Variants in KALRN observed in about 807,000 individuals in gnomAD.
KALRN encodes the protein kalirin RhoGEF kinase.
In KALRN, 70 loss-of-function variants were observed where a neutral mutation model predicts 353.7. The observed-to-expected ratio is 0.20, with a 90% CI of 0.16 to 0.24. The LOEUF is 0.24. Among genes scored for constraint, KALRN ranks in the 10% least tolerant of loss-of-function variants. KALRN has a pLI of 1.00. For missense variants in KALRN, 2,791 were observed against 3,756.7 expected (o/e 0.74, Z 6.72); for synonymous variants, 1,391 against 1,434.8 (o/e 0.97, Z 0.69).
chr3:124,619,978 GT>G (rs879624412), intron 34 of KALRN, among the ~76,000 whole-genome samples: 293 of 142,646 alleles, frequency 2.1e-3, no homozygotes, highest in Middle Eastern at 3.5e-3. Context: ...AACCATTTTG[GT>G]TTTTTTTTTT....
intron 33 of KALRN, among the ~76,000 whole-genome samples, chr3:124,559,799 G>A (rs1005724747): frequency 2.0e-5 from 3 of 152,168 alleles, no homozygotes; most frequent in Admixed American, 6.5e-5. Context: ...TTTGGAATTC[G>A]CTTCTTGCCA....
chr3:124,553,194 G>T lies in KALRN; in HGVS notation c.4936-9649G>T, dbSNP rs551315204. ...TATTAAGCATGTAATGCATATCAGG[G>T]TTTACCTGTGTTAATGTAATCCTTC... On this transcript the variant is annotated intron_variant, in intron 33 of 59. Transcript: ENST00000682506. Among the ~76,000 whole-genome samples, 26 of 152,304 alleles carry T rather than the reference G, an allele frequency of 1.7e-4. No homozygotes were observed. In the South Asian group the frequency reaches 5.4e-3, roughly 32 times the overall value.
At chr3:124,238,185 C>T (rs1293418408) in intron 3 of KALRN, among the ~76,000 whole-genome samples, 3 of 152,084 alleles carry the variant, frequency 2.0e-5, no homozygotes, top group African/African-American at 7.2e-5. Flanking sequence ...CAATCCATGT[C>T]TCCACAGTTG....
chr3:124,469,793 T>G (rs917049148), intron 25 of KALRN, among the ~76,000 whole-genome samples: 4 of 152,188 alleles, frequency 2.6e-5, no homozygotes, highest in African/African-American at 9.7e-5. Flanking sequence ...TACAAGGTCA[T>G]CAAATAGTTA....
At chr3:124,087,953 T>C (rs894587881) in intron 1 of KALRN, among the ~76,000 whole-genome samples, 3 of 152,242 alleles carry the variant, frequency 2.0e-5, no homozygotes, top group Admixed American at 1.3e-4. Context: ...GTCCTTCTAC[T>C]ACTGTTGCTC....
At chr3:124,599,875 G>T (rs952015543) in intron 34 of KALRN, among the ~76,000 whole-genome samples, 19 of 152,146 alleles carry the variant, frequency 1.2e-4, no homozygotes, top group Non-Finnish European at 2.5e-4. Flanking sequence ...ACCAACTAGT[G>T]CTTCCATTTT....
At chr3:124,139,981 A>G (rs1470111328) in intron 1 of KALRN, among the ~76,000 whole-genome samples, 2 of 152,018 alleles carry the variant, frequency 1.3e-5, no homozygotes. Flanking sequence ...CCTATCTTTC[A>G]TATTGTACCC....
In KALRN at chr3:124,109,698, A is replaced by G. The variant is rs535550221; in HGVS notation, c.73+75885A>G. On this transcript the variant is annotated intron_variant, in intron 1 of 59. Transcript: ENST00000682506. ...GATATACATATCATATATATATCATACTTTGATATATATATGACATATATA... is the reference window on the plus strand; with the variant it reads ...GATATACATATCATATATATATCATGCTTTGATATATATATGACATATATA... Among the ~76,000 whole-genome samples, 291 of 149,168 alleles carry G rather than the reference A, an allele frequency of 2.0e-3. 2 individuals are homozygous for G. The highest frequency in any genetic ancestry group is 7.2e-3 in the Middle Eastern group (1 of 138).
At chr3:124,693,661 T>C in intron 51 of KALRN, 143 bp from the exon 52 acceptor site, 3 of 526,914 alleles carry the variant, frequency 5.7e-6, no homozygotes, top group Non-Finnish European at 6.8e-6. Flanking sequence ...GTGACAGTAA[T>C]ACAGTCACAA....
intron 51 of KALRN, among the ~76,000 whole-genome samples, chr3:124,682,363 A>C (rs989310707): frequency 2.6e-5 from 4 of 152,162 alleles, no homozygotes; most frequent in African/African-American, 9.7e-5. Flanking sequence ...TGTTACTCTT[A>C]GTGAGCTGAA....
chr3:124,377,963 C>T (rs561102404), intron 10 of KALRN, among the ~76,000 whole-genome samples: 10 of 152,184 alleles, frequency 6.6e-5, no homozygotes, highest in South Asian at 6.2e-4. Context: ...TCCCTGTAGA[C>T]AGCATATAAT....
At chr3:124,645,923 C>T (rs755792481) in intron 37 of KALRN, among the ~76,000 whole-genome samples, 23 of 152,242 alleles carry the variant, frequency 1.5e-4, no homozygotes, top group South Asian at 4.2e-4. Context: ...CCCACCAACA[C>T]GTACCAGGGC....
chr3:124,367,054 C>A (rs771342416), intron 10 of KALRN, among the ~76,000 whole-genome samples: 4,000 of 132,308 alleles, frequency 0.03, 72 homozygotes, highest in Non-Finnish European at 0.043. Context: ...GCTGGCCGGG[C>A]GGGGGGCTGA....
At chr3:124,075,989 G>A (rs992167714) in intron 1 of KALRN, among the ~76,000 whole-genome samples, 4 of 152,198 alleles carry the variant, frequency 2.6e-5, no homozygotes, top group Non-Finnish European at 4.4e-5. Context: ...CTGTCTCTGC[G>A]TGTGGCCTAT....
chr3:124,240,782 G>A (rs2080341243), intron 3 of KALRN, among the ~76,000 whole-genome samples: 1 of 152,038 alleles, frequency 6.6e-6, no homozygotes, highest in East Asian at 1.9e-4. Flanking sequence ...GGAGACTTTG[G>A]GCATGCTAGT....
chr3:124,467,438 G>T (rs2060451871), intron 25 of KALRN, among the ~76,000 whole-genome samples: 1 of 152,190 alleles, frequency 6.6e-6, no homozygotes, highest in Non-Finnish European at 1.5e-5. Context: ...CACAAGTGGA[G>T]CACAAAGAAA....
At chr3:124,712,059 G>A (rs1221227231) in intron 57 of KALRN, among the ~76,000 whole-genome samples, 1 of 152,176 alleles carries the variant, frequency 6.6e-6, no homozygotes, top group Non-Finnish European at 1.5e-5. Flanking sequence ...GAAAGGGTGA[G>A]AGGGTGGTGA....
At chr3:124,185,169 C>T (rs888231586) in intron 1 of KALRN, among the ~76,000 whole-genome samples, 4 of 152,192 alleles carry the variant, frequency 2.6e-5, no homozygotes, top group African/African-American at 7.2e-5. Flanking sequence ...GTTCATGCCA[C>T]TGCACCTGGC....
chr3:124,264,463 C>A (rs774004181), intron 3 of KALRN, 35 bp from the exon 4 acceptor site: 3 of 1,598,066 alleles, frequency 1.9e-6, no homozygotes, highest in Non-Finnish European at 2.6e-6. Context: ...CTCAGCTACC[C>A]AGAGTGACCA....
Sources: allele counts gnomAD v4.1 joint callset (sites outside exome capture counted in the v4.1 genomes callset), GRCh38; gene constraint gnomAD v4.1.1; transcripts MANE v1.5; gene names NCBI Gene and HGNC (gene_info 2026-07-23, HGNC 2026-07-21).